The following MACROD2 variants were observed in gnomAD, a reference collection of about 807,000 sequenced individuals.
The protein encoded by MACROD2 is ADP-ribose glycohydrolase MACROD2.
In MACROD2, 36 loss-of-function variants were observed where a neutral mutation model predicts 70.4. That is an observed-to-expected ratio of 0.51 (90% confidence interval 0.39 to 0.68). MACROD2 has a LOEUF of 0.68. MACROD2 is among the 30% of genes least tolerant of loss of function. The pLI is 0.00. For synonymous variants in MACROD2, 172 were observed against 178.8 expected (o/e 0.96, Z 0.30); for missense variants, 496 against 538.4 (o/e 0.92, Z 0.78).
chr20:15,312,959 CATCT>C (rs1448517988), intron 6 of MACROD2, among the ~76,000 whole-genome samples: 6 of 152,052 alleles, frequency 3.9e-5, no homozygotes, highest in Non-Finnish European at 7.4e-5. Context: ...TACATGTATT[CATCT>C]ATCTATGCCT....
intron 6 of MACROD2, among the ~76,000 whole-genome samples, chr20:15,232,773 T>C (rs2076969988): frequency 6.6e-6 from 1 of 152,068 alleles, no homozygotes; most frequent in Admixed American, 6.5e-5. Context: ...CAGGAATAAA[T>C]TAAATATTTG....
intron 3 of MACROD2, among the ~76,000 whole-genome samples, chr20:14,492,758 T>C (rs190926863): frequency 8.5e-5 from 13 of 152,222 alleles, no homozygotes; most frequent in African/African-American, 2.6e-4. Flanking sequence ...GAATTATGCT[T>C]TCTGGTTATT....
At chr20:15,219,693 T>C (rs2076841414) in intron 5 of MACROD2, among the ~76,000 whole-genome samples, 1 of 152,188 alleles carries the variant, frequency 6.6e-6, no homozygotes, top group Admixed American at 6.5e-5. Context: ...GTCCTATGAA[T>C]GGATCAATTT....
At chr20:14,715,968 C>T (rs1201640448) in intron 5 of MACROD2, among the ~76,000 whole-genome samples, 1 of 152,002 alleles carries the variant, frequency 6.6e-6, no homozygotes, top group Non-Finnish European at 1.5e-5. Context: ...ATCTAAACAC[C>T]AAAAAATCTG....
intron 7 of MACROD2, among the ~76,000 whole-genome samples, chr20:15,453,838 G>C (rs2046677940): frequency 6.6e-6 from 1 of 152,138 alleles, no homozygotes; most frequent in Admixed American, 6.6e-5. Context: ...TCCTTTTCTA[G>C]GGTCTATGCC....
At chr20:14,254,999 T>G (rs536202598) in intron 3 of MACROD2, among the ~76,000 whole-genome samples, 61 of 152,272 alleles carry the variant, frequency 4.0e-4, no homozygotes, top group Non-Finnish European at 7.2e-4. Context: ...CCTTCACTTA[T>G]GAAGCTTAGT....
intron 4 of MACROD2, chr20:14,566,989 C>G (rs142223760): frequency 6.6e-6 from 1 of 151,864 alleles, no homozygotes; most frequent in African/African-American, 2.4e-5. Context: ...TTATTTTGCC[C>G]AAGCTGGAGT....
At chr20:15,240,835 T>G (rs1376073823) in intron 6 of MACROD2, among the ~76,000 whole-genome samples, 1 of 152,192 alleles carries the variant, frequency 6.6e-6, no homozygotes, top group Non-Finnish European at 1.5e-5. Flanking sequence ...CCCCTGACTC[T>G]TGGCTTCTCA....
At chr20:14,781,947 A>T (rs180832979) in intron 5 of MACROD2, among the ~76,000 whole-genome samples, 229 of 151,538 alleles carry the variant, frequency 1.5e-3, no homozygotes, top group African/African-American at 5.4e-3. Context: ...TTTTTTTGAG[A>T]CAGAGTCTTG....
chr20:14,861,640 A>G (rs1446141579), intron 5 of MACROD2, among the ~76,000 whole-genome samples: 1 of 151,860 alleles, frequency 6.6e-6, no homozygotes, highest in African/African-American at 2.4e-5. Flanking sequence ...AGAGCTCACA[A>G]TAAACCCCAC....
intron 3 of MACROD2, among the ~76,000 whole-genome samples, chr20:14,092,445 C>T (rs948168848): frequency 1.7e-4 from 26 of 152,114 alleles, no homozygotes; most frequent in African/African-American, 5.3e-4. Flanking sequence ...AGCCCACATC[C>T]AAAACAGTCC....
In MACROD2 at chr20:15,677,985, A is replaced by C. The variant is rs191386705; in HGVS notation, c.645+178138A>C. Among the ~76,000 whole-genome samples the C allele has an allele frequency of 1.1e-3, 167 of 152,124 alleles. 1 individual carries two copies. The highest frequency in any genetic ancestry group is 3.9e-3 in the African/African-American group (164 of 41,522). ...GAGGCTGAAGCAGGAGAATGACTTGAACCCAGGAGGTGGAGGTTGCAGTGA... is the reference window on the plus strand; with the variant it reads ...GAGGCTGAAGCAGGAGAATGACTTGCACCCAGGAGGTGGAGGTTGCAGTGA... On this transcript the variant is annotated intron_variant, in intron 8 of 17. Transcript: ENST00000684519.
chr20:14,135,862 C>T (rs1156500683), intron 3 of MACROD2, among the ~76,000 whole-genome samples: 2 of 152,102 alleles, frequency 1.3e-5, no homozygotes. Flanking sequence ...TTAGGGATAT[C>T]TCTGAAAAAC....
intron 3 of MACROD2, among the ~76,000 whole-genome samples, chr20:14,413,304 C>T (rs1252268749): frequency 2.7e-5 from 4 of 149,312 alleles, no homozygotes; most frequent in African/African-American, 9.8e-5. Flanking sequence ...TATAGAATAT[C>T]ATATATAAAG....
chr20:14,121,225 T>TAA (rs1006953454), intron 3 of MACROD2, among the ~76,000 whole-genome samples: 1 of 152,112 alleles, frequency 6.6e-6, no homozygotes, highest in Non-Finnish European at 1.5e-5. Context: ...TCCCGTCTTA[T>TAA]GATTTTAAAG....
chr20:16,002,913 G>T (rs901849991), intron 15 of MACROD2, among the ~76,000 whole-genome samples: 3 of 152,158 alleles, frequency 2.0e-5, no homozygotes, highest in Non-Finnish European at 4.4e-5. Flanking sequence ...ATGAGGCAAA[G>T]ATGATTGACA....
chr20:14,577,836 A>AGAGAAGAGAAGAGAAGAGAAGAGAAGAG (rs1568680705), intron 4 of MACROD2, among the ~76,000 whole-genome samples: 24 of 151,798 alleles, frequency 1.6e-4, no homozygotes, highest in Admixed American at 2.6e-4. Flanking sequence ...AGAGAAGAGA[A>AGAGAAGAGAAGAGAAGAGAAGAGAAGAG]AACAACTATG....
intron 3 of MACROD2, among the ~76,000 whole-genome samples, chr20:14,401,871 A>G (rs2083641438): frequency 1.3e-5 from 2 of 152,052 alleles, no homozygotes; most frequent in Admixed American, 6.6e-5. Context: ...CTGATCTTGT[A>G]TGGGAGAGGG....
intron 5 of MACROD2, among the ~76,000 whole-genome samples, chr20:14,822,904 A>AG (rs1451308472): frequency 6.6e-6 from 1 of 152,116 alleles, no homozygotes; most frequent in African/African-American, 2.4e-5. Context: ...TCTAAAAAAA[A>AG]GTGCTGTCAT....
Sources: allele counts gnomAD v4.1 joint callset (sites outside exome capture counted in the v4.1 genomes callset), GRCh38; gene constraint gnomAD v4.1.1; transcripts MANE v1.5; gene names NCBI Gene and HGNC (gene_info 2026-07-23, HGNC 2026-07-21).